CLPX: variants seen among roughly 807,000 people sequenced by gnomAD.
The protein encoded by CLPX is caseinolytic mitochondrial matrix peptidase chaperone subunit X, also known as ATP-dependent clpX-like chaperone, mitochondrial.
Under a neutral mutation model 76.4 loss-of-function variants are expected in CLPX, and 34 were observed. That is an observed-to-expected ratio of 0.45 (90% CI 0.34 to 0.59). CLPX has a LOEUF of 0.59. CLPX is among the 20% of genes least tolerant of loss of function. The pLI, the probability that CLPX is intolerant of heterozygous loss-of-function variation, is 0.01. For missense variants in CLPX, 613 were observed against 757.0 expected (o/e 0.81, Z 2.23); for synonymous variants, 248 against 270.9 (o/e 0.92, Z 0.83).
At position 65,180,143 on chromosome 15, in the gene CLPX, C is replaced by A. The variant is rs760385301; in HGVS notation, c.141G>T (p.Gln47His). 6.2e-7 allele frequency: 1 copy of A among 1,612,424 alleles called. No individual in the cohort carries two copies. Among genetic ancestry groups the A allele is most frequent in the African/African-American group, 1.3e-5 (1 of 74,828 alleles). Residue 47 changes from glutamine (Q) to histidine (H), a missense_variant, in exon 2 of 14, where the codon CAG (glutamine) becomes CAT (histidine). Transcript: ENST00000300107. ...VLGRLGTFET[Q>H]ILQRAPLRSF... ...ATCTAAGAGGAGCTCTTTGCAGAAT[C>A]TGAGTTTCAAATGTCCCAAGCCTTC...
intron 6 of CLPX, among the ~76,000 whole-genome samples, chr15:65,158,996 A>G (rs1258021634): frequency 6.6e-6 from 1 of 152,238 alleles, no homozygotes; most frequent in East Asian, 1.9e-4. Context: ...ATTTATATAA[A>G]TATGTAAGAA....
Position 65,152,552 on chromosome 15 carries a change from G to A in CLPX, c.1705-16C>T. 2 of 1,388,948 alleles carry A rather than the reference G, an allele frequency of 1.4e-6. No homozygotes were observed. The highest frequency in any genetic ancestry group is 1.9e-6 in the Non-Finnish European group (2 of 1,026,920). 86.0% of individuals were successfully genotyped at this position (1,388,948 alleles called of 1,614,324 possible). A position where few individuals can be genotyped will look rare whatever the true frequency, so the allele number is the denominator to read the frequency against. On this transcript the variant is annotated splice_polypyrimidine_tract_variant and intron_variant, in intron 12 of 13. Transcript: ENST00000300107. ...ACAGCTTTTCCTAAAGAAATAAAAA[G>A]TAATGAATCACATTGAAAACAGATT...
chr15:65,160,867 G>T (rs2087848251), intron 6 of CLPX, among the ~76,000 whole-genome samples: 1 of 152,108 alleles, frequency 6.6e-6, no homozygotes, highest in African/African-American at 2.4e-5. Flanking sequence ...GTCCCTGTTT[G>T]TGCATCTCTC....
chr15:65,165,203 CTG>C (rs2087894847), intron 4 of CLPX, among the ~76,000 whole-genome samples: 1 of 151,906 alleles, frequency 6.6e-6, no homozygotes, highest in East Asian at 1.9e-4. Context: ...TGGTAGACAC[CTG>C]CAGTCCCAGC....
chr15:65,161,470 T>C (rs1251640814), intron 6 of CLPX, among the ~76,000 whole-genome samples: 5 of 152,174 alleles, frequency 3.3e-5, no homozygotes, highest in African/African-American at 1.2e-4. Context: ...CACATGACAA[T>C]AAATTTAAGC....
At chr15:65,158,797 CT>C (rs2087820538) in intron 6 of CLPX, 46 bp from the exon 7 acceptor site, 1 of 1,476,288 alleles carries the variant, frequency 6.8e-7, no homozygotes, top group Non-Finnish European at 9.1e-7. Flanking sequence ...TTTGAATTTA[CT>C]TGAAGAAAAT....
In CLPX at chr15:65,150,599, A is replaced by G. The variant is rs1009158449; in HGVS notation, c.*224T>C. The G allele has an allele frequency of 1.0e-4, 35 of 346,274 alleles. No individual in the cohort carries two copies. The highest frequency in any genetic ancestry group is 1.7e-4 in the Non-Finnish European group (33 of 193,912). 21.5% of individuals were successfully genotyped at this position (346,274 alleles called of 1,614,324 possible). A position where few individuals can be genotyped will look rare whatever the true frequency, so the allele number is the denominator to read the frequency against. ...AAAAAACTGAACCAAAATAATGTAC[A>G]TTTTATCTCTAAACATTGTGTCATT... On this transcript the variant is annotated 3_prime_UTR_variant, in exon 14 of 14. Transcript: ENST00000300107.
At chr15:65,172,081 C>T (rs1472163047) in intron 3 of CLPX, among the ~76,000 whole-genome samples, 7 of 152,104 alleles carry the variant, frequency 4.6e-5, no homozygotes, top group Non-Finnish European at 8.8e-5. Context: ...CCGCAACCTC[C>T]GCCTCCCGAG....
chr15:65,151,382 T>C (rs2087717887), intron 13 of CLPX, among the ~76,000 whole-genome samples: 1 of 129,166 alleles, frequency 7.7e-6, no homozygotes, highest in African/African-American at 2.9e-5. Context: ...CTTAGTAATA[T>C]GGGAAACAGA....
At chr15:65,181,675 C>G (rs1349776272) in intron 1 of CLPX, among the ~76,000 whole-genome samples, 2 of 151,350 alleles carry the variant, frequency 1.3e-5, no homozygotes, top group Non-Finnish European at 2.9e-5. Context: ...ATCACTTGAA[C>G]GAGGCAGAGG....
At chr15:65,181,055 T>C (rs2140652227) in intron 1 of CLPX, among the ~76,000 whole-genome samples, 1 of 150,984 alleles carries the variant, frequency 6.6e-6, no homozygotes, top group South Asian at 2.1e-4. Flanking sequence ...AAAAATTAGC[T>C]GGGTGTGCTA....
intron 3 of CLPX, among the ~76,000 whole-genome samples, chr15:65,174,759 G>A (rs568929027): frequency 1.2e-4 from 18 of 152,238 alleles, no homozygotes; most frequent in African/African-American, 4.1e-4. Context: ...TCGGCCCTGT[G>A]GAGACCACAC....
At chr15:65,161,323 C>T (rs2087854201) in intron 6 of CLPX, among the ~76,000 whole-genome samples, 1 of 152,182 alleles carries the variant, frequency 6.6e-6, no homozygotes, top group African/African-American at 2.4e-5. Flanking sequence ...TCCAAAGGGA[C>T]TTATAAGAAT....
chr15:65,179,907 TA>T, intron 2 of CLPX, 136 bp downstream of exon 2: 1 of 519,640 alleles, frequency 1.9e-6, no homozygotes, highest in Non-Finnish European at 3.1e-6. Flanking sequence ...TCTAATTACA[TA>T]AAATTATTCA....
intron 3 of CLPX, among the ~76,000 whole-genome samples, chr15:65,171,561 G>A (rs2088007642): frequency 6.6e-6 from 1 of 152,126 alleles, no homozygotes; most frequent in Admixed American, 6.6e-5. Context: ...AAAAGATCAA[G>A]CTATTTGAAG....
intron 3 of CLPX, among the ~76,000 whole-genome samples, chr15:65,175,722 T>C (rs1036253668): frequency 1.3e-5 from 2 of 152,178 alleles, no homozygotes; most frequent in African/African-American, 4.8e-5. Context: ...TCAGAGCATT[T>C]TGAATTCCAG....
intron 3 of CLPX, among the ~76,000 whole-genome samples, chr15:65,170,373 A>G (rs910978874): frequency 2.6e-5 from 4 of 152,138 alleles, no homozygotes; most frequent in Non-Finnish European, 5.9e-5. Context: ...TTAAATATAA[A>G]TATCTATCCA....
Position 65,158,706 on chromosome 15 carries a change from C to A in CLPX, c.761G>T (p.Gly254Val). The A allele has an allele frequency of 1.9e-6, 3 of 1,612,550 alleles. No individual in the cohort carries two copies. Among genetic ancestry groups the A allele is most frequent in the Non-Finnish European group, 2.5e-6 (3 of 1,179,430 alleles). The change falls in exon 7 of 14, where the codon GGA (glycine) becomes GTA (valine). Residue 254 changes from glycine (G) to valine (V), a missense_variant. This residue lies in a region of CLPX where 450 missense variants were observed against 638.6 expected (regional missense o/e 0.70). Transcript: ENST00000300107. ...ATTTACCTGTTGCTGCATTGATGCTCCTAAAGCATTACCATGTGGGCTAAT... is the reference window on the plus strand; with the variant it reads ...ATTTACCTGTTGCTGCATTGATGCTACTAAAGCATTACCATGTGGGCTAAT... Reference protein sequence around the residue: ...AGISPHGNALGASMQQQVNQQ... With the variant: ...AGISPHGNALVASMQQQVNQQ...
intron 3 of CLPX, 67 bp from the exon 4 acceptor site, chr15:65,166,852 G>A (rs1355785171): frequency 6.9e-7 from 1 of 1,458,080 alleles, no homozygotes; most frequent in African/African-American, 1.4e-5. Context: ...TAACCTTAAA[G>A]ACTCCACTGT....
Sources: allele counts gnomAD v4.1 joint callset (sites outside exome capture counted in the v4.1 genomes callset), GRCh38; gene constraint gnomAD v4.1.1; regional missense constraint gnomAD v4.1.1; transcripts MANE v1.5; gene names NCBI Gene and HGNC (gene_info 2026-07-23, HGNC 2026-07-21).